Variants in SYCP1 observed in about 807,000 individuals in gnomAD.
The protein encoded by SYCP1 is cancer/testis antigen 8.
In SYCP1, 64 loss-of-function variants were observed where a neutral mutation model predicts 153.1. That is an observed-to-expected ratio of 0.42 (90% CI 0.34 to 0.51). The LOEUF (loss-of-function observed/expected upper bound fraction) is 0.51. Among genes scored for constraint, SYCP1 ranks in the 20% least tolerant of loss-of-function variants. The probability of loss-of-function intolerance (pLI) is 0.06; values close to 1 mark genes in which losing one functional copy is unlikely to be tolerated. For synonymous variants in SYCP1, 384 were observed against 341.8 expected, an observed-to-expected ratio of 1.12 and a Z score of -1.36; for missense variants, 997 against 1,049.0, an observed-to-expected ratio of 0.95 and a Z score of 0.68.
chr1:114,976,012 T>C (rs1672773438), intron 27 of SYCP1, among the ~76,000 whole-genome samples: 1 of 151,838 alleles, frequency 6.6e-6, no homozygotes, highest in Non-Finnish European at 1.5e-5. Context: ...CTGATAAAAT[T>C]CTAATTATTG....
At chr1:114,973,955 G>A (rs754092514) in intron 27 of SYCP1, among the ~76,000 whole-genome samples, 4 of 151,604 alleles carry the variant, frequency 2.6e-5, no homozygotes, top group Non-Finnish European at 5.9e-5. Context: ...ACTATTTGTT[G>A]TATAAAAGTT....
intron 5 of SYCP1, among the ~76,000 whole-genome samples, chr1:114,858,334 A>G (rs953115701): frequency 1.3e-5 from 2 of 152,132 alleles, no homozygotes; most frequent in Admixed American, 6.5e-5. Flanking sequence ...TCAGCAAGGT[A>G]TAATTTAGTC....
At chr1:114,923,324 C>A in intron 20 of SYCP1, 125 bp from the exon 21 acceptor site, 1 of 980,418 alleles carries the variant, frequency 1.0e-6, no homozygotes, top group Non-Finnish European at 1.4e-6. Flanking sequence ...ATGAAGTATT[C>A]AGTTTTGGTT....
intron 27 of SYCP1, among the ~76,000 whole-genome samples, chr1:114,970,546 GA>G (rs1223222344): frequency 1.3e-5 from 2 of 151,778 alleles, no homozygotes; most frequent in African/African-American, 4.8e-5. Flanking sequence ...GACTATGTCA[GA>G]GGAAAGATCT....
chr1:114,855,453 G>GTT lies in SYCP1; in HGVS notation c.-11_-10insTT. Reference sequence around the variant, plus strand: ...CCCGGGGCAGTAGATATTTACAACCGTAACAGAGAAAATGGAAAAGCAAAA... The same window carrying GTT: ...CCCGGGGCAGTAGATATTTACAACCGTTTAACAGAGAAAATGGAAAAGCAAAA... On this transcript the variant is annotated 5_prime_UTR_variant, in exon 2 of 32. Coordinates refer to ENST00000369522, the MANE Select transcript of SYCP1 (RefSeq NM_003176.4). 6.2e-7 allele frequency: 1 copy of GTT among 1,602,978 alleles called. No individual in the cohort carries two copies. Among genetic ancestry groups the GTT allele is most frequent in the South Asian group, 1.1e-5 (1 of 89,800 alleles).
At chr1:114,878,716 G>A (rs941181875) in intron 12 of SYCP1, among the ~76,000 whole-genome samples, 4 of 152,064 alleles carry the variant, frequency 2.6e-5, no homozygotes, top group Non-Finnish European at 2.9e-5. Flanking sequence ...GCTAATTTTT[G>A]TATTTTCCTA....
chr1:114,959,321 T>C (rs1671636986), intron 27 of SYCP1, among the ~76,000 whole-genome samples: 1 of 152,220 alleles, frequency 6.6e-6, no homozygotes, highest in African/African-American at 2.4e-5. Context: ...TTCTACTTGG[T>C]CTTGGTATAT....
At chr1:114,894,723 A>T (rs1182188379) in intron 15 of SYCP1, among the ~76,000 whole-genome samples, 1 of 152,012 alleles carries the variant, frequency 6.6e-6, no homozygotes, top group Non-Finnish European at 1.5e-5. Context: ...AATAGTACAA[A>T]CCTCCACAAT....
chr1:114,990,021 A>G (rs1445507520), intron 30 of SYCP1, among the ~76,000 whole-genome samples: 1 of 151,950 alleles, frequency 6.6e-6, no homozygotes, highest in Non-Finnish European at 1.5e-5. Flanking sequence ...CATGTATAAC[A>G]TTCTACCCAA....
intron 14 of SYCP1, among the ~76,000 whole-genome samples, chr1:114,887,189 A>C (rs1666372641): frequency 6.6e-6 from 1 of 152,112 alleles, no homozygotes; most frequent in African/African-American, 2.4e-5. Flanking sequence ...AGATTCCTCT[A>C]TCCCTATTAC....
At position 114,923,651 on chromosome 1, in the gene SYCP1, G is replaced by T. The variant is rs1194248116; in HGVS notation, c.1800+121G>T. 4.0e-6 allele frequency: 4 copies of T among 1,001,118 alleles called. No individual in the cohort carries two copies. The African/African-American group carries it at 6.8e-5, about 17-fold the overall frequency. 62.0% of individuals were successfully genotyped at this position (1,001,118 alleles called of 1,614,324 possible). ...TATAAATAATAGTGATCTAGAGACT[G>T]TCATCAGCCATCAACCTTAAATATC... On this transcript the variant is annotated intron_variant, in intron 21 of 31. Coordinates refer to ENST00000369522, the MANE Select transcript of SYCP1 (RefSeq NM_003176.4).
At chr1:114,876,400 T>G (rs12733752) in intron 10 of SYCP1, among the ~76,000 whole-genome samples, 6,177 of 152,036 alleles carry the variant, frequency 0.041, 179 homozygotes, top group Non-Finnish European at 0.055. Flanking sequence ...TGGTCTCTTT[T>G]TACATATCTT....
intron 9 of SYCP1, among the ~76,000 whole-genome samples, chr1:114,875,544 C>T (rs746677008): frequency 1.3e-5 from 2 of 152,072 alleles, no homozygotes; most frequent in African/African-American, 2.4e-5. Context: ...GAGGCGTGAG[C>T]CCCCGCGCCC....
Position 114,995,026 on chromosome 1 carries a change from A to G in SYCP1, c.*7A>G. ...TGAAAAGTTATTTGTTTAATTTCAG[A>G]GAATCAGTGTAGTTAAGGAGCCTAA... On this transcript the variant is annotated 3_prime_UTR_variant, in exon 32 of 32. Transcript: ENST00000369522. 1 of 1,595,250 alleles carries G rather than the reference A, an allele frequency of 6.3e-7. No homozygotes were observed. The highest frequency in any genetic ancestry group is 8.5e-7 in the Non-Finnish European group (1 of 1,172,626).
intron 2 of SYCP1, 108 bp downstream of exon 2, chr1:114,855,680 G>GA: frequency 6.9e-6 from 6 of 874,560 alleles, no homozygotes; most frequent in Non-Finnish European, 8.6e-6. Context: ...CTCAATAAAT[G>GA]GTCTCATTTA....
In SYCP1 at chr1:114,902,366, CG is replaced by C. The variant is rs1387769863; in HGVS notation, c.1320+6860del. On this transcript the variant is annotated intron_variant, in intron 16 of 31. Transcript: ENST00000369522. ...TCAAACAATATGTTGTAGGAAAAAC[CG>C]GGTTCTTGTCGCAGGATCAGGAAAG... Among the ~76,000 whole-genome samples the C allele has an allele frequency of 2.0e-5, 3 of 152,158 alleles. No homozygotes were observed. In the South Asian group the frequency reaches 6.2e-4, roughly 32 times the overall value.
At chr1:114,986,734 G>C (rs1264638701) in intron 30 of SYCP1, among the ~76,000 whole-genome samples, 1 of 152,018 alleles carries the variant, frequency 6.6e-6, no homozygotes, top group Non-Finnish European at 1.5e-5. Flanking sequence ...AGTAGGAAGT[G>C]CCAGGAATCC....
intron 30 of SYCP1, among the ~76,000 whole-genome samples, chr1:114,985,527 C>T (rs371265069): frequency 1.3e-5 from 2 of 151,750 alleles, no homozygotes; most frequent in African/African-American, 2.4e-5. Context: ...GAGCAATGCA[C>T]CAAAAATTCT....
At chr1:114,931,027 T>C (rs1033855355) in intron 23 of SYCP1, among the ~76,000 whole-genome samples, 3 of 151,784 alleles carry the variant, frequency 2.0e-5, no homozygotes, top group Admixed American at 6.6e-5. Flanking sequence ...AGAAAAATAA[T>C]ATAATTATCT....
Sources: allele counts gnomAD v4.1 joint callset (sites outside exome capture counted in the v4.1 genomes callset), GRCh38; gene constraint gnomAD v4.1.1; transcripts MANE v1.5; gene names NCBI Gene and HGNC (gene_info 2026-07-23, HGNC 2026-07-21).